ANKHD1: variants seen among roughly 807,000 people sequenced by gnomAD.
ANKHD1 encodes ankyrin repeat and KH domain containing 1, also known as ankyrin repeat and KH domain-containing protein 1.
Under a neutral mutation model 230.5 loss-of-function variants are expected in ANKHD1, and 31 were observed. The ratio of observed to expected loss-of-function variants is 0.13; its 90% confidence interval spans 0.10 to 0.18. The LOEUF (loss-of-function observed/expected upper bound fraction) is 0.18, where lower values mean the gene tolerates loss of function less well. ANKHD1 is among the 10% of genes least tolerant of loss of function. The probability of loss-of-function intolerance (pLI) is 1.00; values close to 1 mark genes in which losing one functional copy is unlikely to be tolerated. For missense variants in ANKHD1, 2,256 were observed against 3,071.3 expected (o/e 0.73, Z 6.27); for synonymous variants, 1,074 against 1,117.6 (o/e 0.96, Z 0.78).
Position 140,535,526 on chromosome 5 carries a change from G to A in ANKHD1, c.7015G>A (p.Ala2339Thr), listed in dbSNP as rs754429792. Residue 2339 changes from alanine (A) to threonine (T), a missense_variant, in exon 30 of 34, where the codon GCC (alanine) becomes ACC (threonine). Transcript: ENST00000360839. ...TTTTTCTCCCCATCCTTGGACAAGC[G>A]CCTCAAACTCATGTAGGAATCCTGG... ...QHFSPHPWTS[A>T]SNSSTSAPPT... 17 of 1,599,780 alleles carry A rather than the reference G, an allele frequency of 1.1e-5. No homozygotes were observed. Among genetic ancestry groups the A allele is most frequent in the East Asian group, 2.2e-5 (1 of 44,718 alleles).
chr5:140,416,328 GTATTTCTAGT>G (rs1353714074), intron 1 of ANKHD1, among the ~76,000 whole-genome samples: 1 of 152,168 alleles, frequency 6.6e-6, no homozygotes, highest in Non-Finnish European at 1.5e-5. Flanking sequence ...GGGTCAAATG[GTATTTCTAGT>G]TCTAGATCCT....
At chr5:140,514,328 C>T (rs558375375) in intron 24 of ANKHD1, among the ~76,000 whole-genome samples, 1 of 151,946 alleles carries the variant, frequency 6.6e-6, no homozygotes, top group East Asian at 2.0e-4. Context: ...AACCCCATCT[C>T]TACAAAAAAC....
At chr5:140,519,420 A>T (rs1753211099) in intron 24 of ANKHD1, among the ~76,000 whole-genome samples, 2 of 152,236 alleles carry the variant, frequency 1.3e-5, no homozygotes, top group Admixed American at 1.3e-4. Context: ...CAGAATTGGA[A>T]TAACTACTTT....
chr5:140,480,878 G>T (rs995373839), intron 10 of ANKHD1, among the ~76,000 whole-genome samples: 15 of 152,056 alleles, frequency 9.9e-5, no homozygotes, highest in Non-Finnish European at 1.8e-4. Context: ...CCGTTTAGTG[G>T]AGGAGACAGG....
chr5:140,444,279 G>A (rs2126929729), intron 5 of ANKHD1, among the ~76,000 whole-genome samples: 1 of 151,998 alleles, frequency 6.6e-6, no homozygotes, highest in African/African-American at 2.4e-5. Flanking sequence ...ATACTTCATT[G>A]GGAAAATAGA....
chr5:140,462,231 G>A (rs1561760597), intron 9 of ANKHD1, among the ~76,000 whole-genome samples: 1 of 151,800 alleles, frequency 6.6e-6, no homozygotes, highest in Non-Finnish European at 1.5e-5. Context: ...TCTTCAGGAG[G>A]TAATAAGTAT....
chr5:140,539,080 G>A lies in ANKHD1; in HGVS notation c.7566G>A (p.Gln2522=). Residue 2522 remains glutamine, a synonymous_variant, in exon 33 of 34, where the codon CAG becomes CAA. Transcript: ENST00000360839. ...IQNSTECTDA[Q]QIWPGTWAPH... ...ATTCAACTGAATGCACTGATGCCCA[G>A]CAGGTAAAATGGGCTTAATGCTCTT... 6.3e-7 allele frequency: 1 copy of A among 1,598,882 alleles called. No individual in the cohort carries two copies.
chr5:140,446,024 G>T, intron 6 of ANKHD1, 49 bp downstream of exon 6: 2 of 1,480,232 alleles, frequency 1.4e-6, no homozygotes, highest in South Asian at 1.5e-5. Context: ...TAACCACTTT[G>T]ATTATTTGAG....
At chr5:140,440,324 A>C in intron 4 of ANKHD1, 58 bp downstream of exon 4, 2 of 1,558,390 alleles carry the variant, frequency 1.3e-6, no homozygotes, top group Non-Finnish European at 1.7e-6. Context: ...TGTTTTATTT[A>C]TTTTTGTCAC....
chr5:140,421,877 C>T (rs180738308), intron 1 of ANKHD1, among the ~76,000 whole-genome samples: 1 of 152,146 alleles, frequency 6.6e-6, no homozygotes, highest in Non-Finnish European at 1.5e-5. Context: ...TACTTAAAAT[C>T]ATGGATTTGA....
Position 140,509,515 on chromosome 5 carries a change from TA to T in ANKHD1, c.3766-121del, listed in dbSNP as rs2078462731. On this transcript the variant is annotated intron_variant, in intron 20 of 33. Coordinates refer to ENST00000360839, the MANE Select transcript of ANKHD1 (RefSeq NM_017747.3). The stretch of plus-strand genomic sequence containing the variant: ...CTCTTTTATGAGAGCTAATCAGAAC[TA>T]GAATTGTCTTAAAAGTTAATTGCCT... 5 of 1,210,876 alleles carry T rather than the reference TA, an allele frequency of 4.1e-6. No homozygotes were observed. The South Asian group carries it at 1.2e-4, about 30-fold the overall frequency. The allele number at this position is 1,210,876 out of a possible 1,614,324, so 75.0% of individuals were successfully genotyped here.
intron 13 of ANKHD1, chr5:140,486,043 C>A: frequency 3.8e-6 from 1 of 265,090 alleles, no homozygotes; most frequent in Non-Finnish European, 6.9e-6. Context: ...ACAAGAGAAT[C>A]AAGAGAAAGC....
At chr5:140,486,303 G>C (rs1311466950) in intron 13 of ANKHD1, among the ~76,000 whole-genome samples, 1 of 152,114 alleles carries the variant, frequency 6.6e-6, no homozygotes, top group African/African-American at 2.4e-5. Flanking sequence ...GAGCTCAGGC[G>C]ATCTACCTGC....
At chr5:140,522,568 C>T (rs1215506979) in intron 24 of ANKHD1, among the ~76,000 whole-genome samples, 1 of 152,076 alleles carries the variant, frequency 6.6e-6, no homozygotes, top group African/African-American at 2.4e-5. Flanking sequence ...CTATCTCTTG[C>T]ATTCCTAGAA....
intron 1 of ANKHD1, among the ~76,000 whole-genome samples, chr5:140,414,763 G>T (rs1175629686): frequency 6.6e-6 from 1 of 151,420 alleles, no homozygotes; most frequent in Non-Finnish European, 1.5e-5. Context: ...GGCCTGTGTG[G>T]TCGAGGCTGC....
At chr5:140,532,651 A>G (rs1244173035) in intron 29 of ANKHD1, among the ~76,000 whole-genome samples, 1 of 152,234 alleles carries the variant, frequency 6.6e-6, no homozygotes, top group African/African-American at 2.4e-5. Flanking sequence ...TGATGTGGTC[A>G]TGAATGCACA....
chr5:140,419,454 CTTTTTTTT>C (rs144115557), intron 1 of ANKHD1, among the ~76,000 whole-genome samples: 1 of 131,606 alleles, frequency 7.6e-6, no homozygotes, highest in Non-Finnish European at 1.6e-5. Flanking sequence ...TTCTTTCTTT[CTTTTTTTT>C]TTTTTTTTTT....
chr5:140,525,970 A>G (rs1205285634), intron 25 of ANKHD1, 26 bp from the exon 26 acceptor site: 1 of 1,538,878 alleles, frequency 6.5e-7, no homozygotes, highest in African/African-American at 1.4e-5. Flanking sequence ...ACTCAGTATG[A>G]TTTTTATTCT....
chr5:140,406,255 A>T (rs1171758818), intron 1 of ANKHD1, among the ~76,000 whole-genome samples: 3 of 151,852 alleles, frequency 2.0e-5, no homozygotes, highest in Non-Finnish European at 4.4e-5. Context: ...AAAAAAAATA[A>T]ATTATTTTAG....
Sources: allele counts gnomAD v4.1 joint callset (sites outside exome capture counted in the v4.1 genomes callset), GRCh38; gene constraint gnomAD v4.1.1; transcripts MANE v1.5; gene names NCBI Gene and HGNC (gene_info 2026-07-23, HGNC 2026-07-21).